Variants in SLIT3 observed in about 807,000 individuals in gnomAD.
SLIT3 encodes slit guidance ligand 3.
SLIT3 carries 68 observed loss-of-function variants against 184.0 expected under a neutral mutation model. That is an observed-to-expected ratio of 0.37 (90% CI 0.30 to 0.45). The LOEUF (loss-of-function observed/expected upper bound fraction) is 0.45, where lower values mean the gene tolerates loss of function less well. SLIT3 is among the 20% of genes least tolerant of loss of function. The probability of loss-of-function intolerance (pLI) is 1.00; values close to 1 mark genes in which losing one functional copy is unlikely to be tolerated. For missense variants in SLIT3, 1,707 were observed against 2,026.0 expected, an observed-to-expected ratio of 0.84 and a Z score of 3.02; for synonymous variants, 831 against 828.6, an observed-to-expected ratio of 1.00 and a Z score of -0.05.
intron 4 of SLIT3, among the ~76,000 whole-genome samples, chr5:168,949,079 C>T (rs781760465): frequency 3.2e-4 from 49 of 152,280 alleles, no homozygotes; most frequent in Admixed American, 7.2e-4. Context: ...ATATGAGCAT[C>T]TGTATTTTTC....
At chr5:169,084,919 C>T (rs1400845131) in intron 4 of SLIT3, among the ~76,000 whole-genome samples, 1 of 152,216 alleles carries the variant, frequency 6.6e-6, no homozygotes, top group African/African-American at 2.4e-5. Flanking sequence ...GTTCCCTCCA[C>T]TCACCACCTG....
intron 6 of SLIT3, among the ~76,000 whole-genome samples, chr5:168,829,838 G>A (rs1757822427): frequency 6.6e-6 from 1 of 152,224 alleles, no homozygotes; most frequent in South Asian, 2.1e-4. Context: ...TGCACAGAGG[G>A]GTTCTGGCAG....
chr5:169,074,219 T>C (rs865899423), intron 4 of SLIT3, among the ~76,000 whole-genome samples: 1 of 152,128 alleles, frequency 6.6e-6, no homozygotes, highest in Non-Finnish European at 1.5e-5. Flanking sequence ...AGGGCAAGTC[T>C]CCACTGTATT....
At chr5:169,290,783 A>G (rs1290470617) in intron 1 of SLIT3, among the ~76,000 whole-genome samples, 1 of 150,202 alleles carries the variant, frequency 6.7e-6, no homozygotes, top group East Asian at 2.0e-4. Context: ...GGCAACCACT[A>G]GGGCACACGC....
intron 32 of SLIT3, among the ~76,000 whole-genome samples, chr5:168,680,679 G>A (rs1024818718): frequency 1.3e-5 from 2 of 152,152 alleles, no homozygotes; most frequent in Non-Finnish European, 2.9e-5. Context: ...CTCGGCTGCT[G>A]GTCAGCTCAG....
At chr5:169,244,643 A>G (rs1765523160) in intron 3 of SLIT3, 62 bp downstream of exon 3, 1 of 1,495,834 alleles carries the variant, frequency 6.7e-7, no homozygotes, top group South Asian at 1.2e-5. Context: ...ACAAAACAAA[A>G]CAAAACAAAA....
At chr5:169,283,619 C>A (rs751348) in intron 1 of SLIT3, among the ~76,000 whole-genome samples, 2 of 151,916 alleles carry the variant, frequency 1.3e-5, no homozygotes, top group Non-Finnish European at 2.9e-5. Flanking sequence ...AGCCAGAAAA[C>A]AATGCATGTC....
At chr5:168,740,200 G>A (rs546635191) in intron 20 of SLIT3, among the ~76,000 whole-genome samples, 3 of 152,242 alleles carry the variant, frequency 2.0e-5, no homozygotes, top group Admixed American at 6.5e-5. Context: ...TGGTACTGTA[G>A]CCCTACTTCA....
At chr5:169,195,687 T>C (rs1011870275) in intron 3 of SLIT3, among the ~76,000 whole-genome samples, 1 of 152,074 alleles carries the variant, frequency 6.6e-6, no homozygotes, top group Admixed American at 6.5e-5. Flanking sequence ...CCACCATGCC[T>C]GGCTAATTTT....
In SLIT3 at chr5:169,300,923, G is replaced by A. The variant is rs1210500547; in HGVS notation, c.-214C>T. On this transcript the variant is annotated 5_prime_UTR_variant, in exon 1 of 36. Coordinates refer to ENST00000519560, the MANE Select transcript of SLIT3 (RefSeq NM_003062.4). The surrounding 1 kb of genome is among the most constrained non-coding windows in gnomAD (Gnocchi z 4.1). The stretch of plus-strand genomic sequence containing the variant: ...CAGCAACAGCAGCTCCATCGGCGGG[G>A]CCGGCGCTGCCCCGCTGCGCATCGC... The A allele has an allele frequency of 4.1e-6, 1 of 245,316 alleles. No individual in the cohort carries two copies. Among genetic ancestry groups the A allele is most frequent in the Non-Finnish European group, 7.6e-6 (1 of 131,738 alleles). 15.2% of individuals were successfully genotyped at this position (245,316 alleles called of 1,614,324 possible).
At chr5:168,897,646 G>GCGCGCGCA in intron 4 of SLIT3, among the ~76,000 whole-genome samples, 4 of 105,382 alleles carry the variant, frequency 3.8e-5, no homozygotes, top group African/African-American at 1.3e-4. Context: ...ACAGGTGCAC[G>GCGCGCGCA]TACACACACA....
intron 20 of SLIT3, among the ~76,000 whole-genome samples, chr5:168,744,244 G>T (rs1763729250): frequency 6.6e-6 from 1 of 152,180 alleles, no homozygotes; most frequent in African/African-American, 2.4e-5. Context: ...AGCCGAGATT[G>T]CGCCACGGCA....
chr5:169,231,487 C>A (rs897339066), intron 3 of SLIT3, among the ~76,000 whole-genome samples: 1 of 152,168 alleles, frequency 6.6e-6, no homozygotes, highest in Non-Finnish European at 1.5e-5. Context: ...CGGTTTTTGT[C>A]CCCGATTATG....
chr5:168,868,773 G>C (rs373057306), intron 5 of SLIT3, among the ~76,000 whole-genome samples: 3 of 144,260 alleles, frequency 2.1e-5, no homozygotes, highest in Non-Finnish European at 4.5e-5. Context: ...AAAAGAAAAA[G>C]AAAAAGAAAA....
At chr5:169,213,712 A>G (rs1457886362) in intron 3 of SLIT3, among the ~76,000 whole-genome samples, 1 of 152,228 alleles carries the variant, frequency 6.6e-6, no homozygotes, top group African/African-American at 2.4e-5. Context: ...TTTACTGTCT[A>G]TGGTCTCCCA....
At chr5:169,099,343 T>C (rs951666341) in intron 4 of SLIT3, among the ~76,000 whole-genome samples, 1 of 152,158 alleles carries the variant, frequency 6.6e-6, no homozygotes, top group Non-Finnish European at 1.5e-5. Context: ...CTTATCCTCA[T>C]GCTTGTGTGA....
At chr5:168,689,201 A>C (rs1297118531) in intron 29 of SLIT3, among the ~76,000 whole-genome samples, 1 of 152,224 alleles carries the variant, frequency 6.6e-6, no homozygotes, top group South Asian at 2.1e-4. Context: ...TGTGATGCTG[A>C]TGCTGCTGGT....
At chr5:168,861,780 A>G (rs760586252) in intron 5 of SLIT3, among the ~76,000 whole-genome samples, 1 of 152,208 alleles carries the variant, frequency 6.6e-6, no homozygotes, top group Non-Finnish European at 1.5e-5. Context: ...AATGGACCCA[A>G]ATGGAAGTTC....
intron 4 of SLIT3, among the ~76,000 whole-genome samples, chr5:169,071,440 G>T (rs1216427994): frequency 6.6e-6 from 1 of 152,210 alleles, no homozygotes; most frequent in Non-Finnish European, 1.5e-5. Context: ...AGAGGAGAAA[G>T]AGCGTTTGAG....
Sources: gnomAD v4.1 joint callset for allele counts (sites outside exome capture counted in the v4.1 genomes callset) on GRCh38, gnomAD v4.1.1 for gene constraint, Gnocchi (gnomAD v3.1) non-coding constraint, MANE v1.5 for transcripts, NCBI Gene and HGNC (gene_info 2026-07-23, HGNC 2026-07-21) for gene names.